MED1: variants seen among roughly 807,000 people sequenced by gnomAD.
MED1 encodes mediator complex subunit 1, also known as mediator of RNA polymerase II transcription subunit 1.
In MED1, 17 loss-of-function variants were observed where a neutral mutation model predicts 121.3. The ratio of observed to expected loss-of-function variants is 0.14; its 90% CI spans 0.10 to 0.21. The LOEUF is 0.21. Ranked by LOEUF, MED1 falls within the 10% of genes least tolerant of loss-of-function variation. The pLI is 1.00. For synonymous variants in MED1, 661 were observed against 694.4 expected (o/e 0.95, Z 0.76); for missense variants, 1,558 against 1,919.4 (o/e 0.81, Z 3.52).
At position 39,415,103 on chromosome 17, in the gene MED1, A is replaced by T. The variant is rs753600219; in HGVS notation, c.1422T>A (p.His474Gln). ...CVVMDVQDST[H>Q]VSCKLYKGLS... ...GCCCTTTGTAGAGTTTACAGCTCAC[A>T]TGTGTTGAGTCCTGCACATCCATTA... Residue 474 changes from histidine to glutamine, a missense_variant, in exon 16 of 17, where the codon CAT becomes CAA. Physicochemically the swap from His to Gln is conservative, Grantham distance 24 (BLOSUM62 0). This residue lies in a region of MED1 where 50 missense variants were observed against 134.5 expected (regional missense o/e 0.37). Transcript: ENST00000300651. 3 of 1,614,166 alleles carry T rather than the reference A, an allele frequency of 1.9e-6. No homozygotes were observed. Among genetic ancestry groups the T allele is most frequent in the South Asian group, 2.2e-5 (2 of 91,082 alleles).
chr17:39,423,606 A>C (rs1455322402), intron 12 of MED1, 91 bp downstream of exon 12: 2 of 1,548,866 alleles, frequency 1.3e-6, no homozygotes, highest in African/African-American at 2.7e-5. Context: ...TCAATGAGGC[A>C]TGTAAGACTG....
chr17:39,433,364 G>A (rs565590282), intron 7 of MED1, among the ~76,000 whole-genome samples: 3 of 147,176 alleles, frequency 2.0e-5, no homozygotes, highest in Non-Finnish European at 3.0e-5. Context: ...GCGACAATCC[G>A]TATTTAAAAA....
intron 3 of MED1, among the ~76,000 whole-genome samples, chr17:39,442,361 G>A (rs1272616215): frequency 6.6e-6 from 1 of 151,992 alleles, no homozygotes; most frequent in Non-Finnish European, 1.5e-5. Flanking sequence ...AATTTGGGAG[G>A]CCGAGGCGGG....
chr17:39,417,578 G>A (rs1175392857), intron 14 of MED1, among the ~76,000 whole-genome samples: 3 of 146,526 alleles, frequency 2.0e-5, no homozygotes, highest in Admixed American at 6.8e-5. Flanking sequence ...GCAGTGAGCC[G>A]AAATTGCGCC....
In MED1 at chr17:39,423,485, G is replaced by T. The variant is rs1383707060; in HGVS notation, c.977-40C>A. 2.0e-6 allele frequency: 3 copies of T among 1,531,620 alleles called. No individual in the cohort carries two copies. In the Admixed American group the frequency reaches 5.0e-5, roughly 26 times the overall value. 94.9% of individuals were successfully genotyped at this position (1,531,620 alleles called of 1,614,324 possible). A position where few individuals can be genotyped will look rare whatever the true frequency, so the allele number is the denominator to read the frequency against. Reference sequence around the variant, plus strand: ...ATCAATATAATGATCATGTTAAGATGAAAACACTGACAGCTCAGTTTCCCC... The same window carrying T: ...ATCAATATAATGATCATGTTAAGATTAAAACACTGACAGCTCAGTTTCCCC... On this transcript the variant is annotated intron_variant, in intron 12 of 16. Transcript: ENST00000300651.
chr17:39,441,215 G>A (rs1340964370), intron 3 of MED1, among the ~76,000 whole-genome samples: 3 of 152,064 alleles, frequency 2.0e-5, no homozygotes, highest in African/African-American at 7.2e-5. Context: ...AGTCACAAAA[G>A]GACAAATATA....
intron 6 of MED1, among the ~76,000 whole-genome samples, chr17:39,436,629 T>C (rs2048621537): frequency 6.6e-6 from 1 of 152,332 alleles, no homozygotes; most frequent in East Asian, 1.9e-4. Context: ...GCACTTTTAC[T>C]GTAACACACA....
chr17:39,417,806 T>C (rs942957858), intron 14 of MED1, among the ~76,000 whole-genome samples: 50 of 151,960 alleles, frequency 3.3e-4, no homozygotes, highest in Non-Finnish European at 6.3e-4. Context: ...AAGCTTCTAA[T>C]AGCCAACTGT....
chr17:39,405,790 A>C lies in MED1; in HGVS notation c.*1685T>G, dbSNP rs2048298373. 1.0e-6 allele frequency: 1 copy of C among 986,278 alleles called. No homozygotes were observed. The highest frequency in any genetic ancestry group is 1.2e-6 in the Non-Finnish European group (1 of 830,484). The allele number at this position is 986,278 out of a possible 1,614,324, so 61.1% of individuals were successfully genotyped here. On this transcript the variant is annotated 3_prime_UTR_variant, in exon 17 of 17. Transcript: ENST00000300651. ...AGGAAATGAGACAGGAAAGAAAGCC[A>C]AAGCTGATTTTCCAACTCTATGCTG... is the stretch of plus-strand genomic sequence containing the variant.
At position 39,405,122 on chromosome 17, in the gene MED1, G is replaced by C; in HGVS notation, c.*2353C>G. 7.4e-7 allele frequency: 1 copy of C among 1,351,980 alleles called. No homozygotes were observed. Among genetic ancestry groups the C allele is most frequent in the Non-Finnish European group, 9.8e-7 (1 of 1,016,012 alleles). 83.7% of individuals were successfully genotyped at this position (1,351,980 alleles called of 1,614,324 possible). A position where few individuals can be genotyped will look rare whatever the true frequency, so the allele number is the denominator to read the frequency against. The stretch of plus-strand genomic sequence containing the variant: ...ACAGGAGGGAGGTGTCCCAGGCTTG[G>C]TTTATTCTGCCTCTTCTCCTCCACC... On this transcript the variant is annotated 3_prime_UTR_variant, in exon 17 of 17. Coordinates refer to ENST00000300651, the MANE Select transcript of MED1 (RefSeq NM_004774.4).
intron 6 of MED1, 134 bp downstream of exon 6, chr17:39,439,031 T>C (rs1323317831): frequency 5.2e-6 from 4 of 764,822 alleles, no homozygotes; most frequent in Non-Finnish European, 6.5e-6. Flanking sequence ...TGATTAAGTA[T>C]AGACTCTTAA....
intron 3 of MED1, among the ~76,000 whole-genome samples, chr17:39,443,095 C>G (rs2048695263): frequency 6.7e-6 from 1 of 150,168 alleles, no homozygotes; most frequent in Non-Finnish European, 1.5e-5. Context: ...TCCGCCTCCC[C>G]AGGTCACACT....
chr17:39,428,210 T>C (rs1320612976), intron 9 of MED1, among the ~76,000 whole-genome samples: 1 of 151,780 alleles, frequency 6.6e-6, no homozygotes, highest in African/African-American at 2.4e-5. Flanking sequence ...ATTGGCCAGG[T>C]GCGGTGGCTC....
rs1242866854 is a variant in MED1 at position 39,422,856 on chromosome 17, G to A, written c.1095+471C>T. On this transcript the variant is annotated intron_variant, in intron 13 of 16. Coordinates refer to ENST00000300651, the MANE Select transcript of MED1 (RefSeq NM_004774.4). ...TGCCCTTTTACTTCAATACATTTCC[G>A]AGATTTCTTTTTTTTTTTTTTTTTT... 3.6e-5 allele frequency among the ~76,000 whole-genome samples: 5 copies of A among 139,124 alleles called. No individual in the cohort carries two copies. The East Asian group carries it at 8.9e-4, about 25-fold the overall frequency. 91.3% of individuals were successfully genotyped at this position (139,124 alleles called of 152,430 possible). A position where few individuals can be genotyped will look rare whatever the true frequency, so the allele number is the denominator to read the frequency against.
At chr17:39,450,927 TG>T in intron 1 of MED1, 110 bp downstream of exon 1, 1 of 890,940 alleles carries the variant, frequency 1.1e-6, no homozygotes, top group Non-Finnish European at 1.8e-6. Context: ...TTCCCTCTCC[TG>T]GACTCTATGC....
chr17:39,418,087 A>G (rs1395451170), intron 14 of MED1, among the ~76,000 whole-genome samples: 1 of 147,430 alleles, frequency 6.8e-6, no homozygotes, highest in Non-Finnish European at 1.5e-5. Flanking sequence ...CTCCGTCTCA[A>G]AAAAAAAAAA....
intron 10 of MED1, among the ~76,000 whole-genome samples, chr17:39,425,919 G>A (rs1203040690): frequency 6.6e-6 from 1 of 152,010 alleles, no homozygotes; most frequent in Non-Finnish European, 1.5e-5. Flanking sequence ...TTTTTGAAGG[G>A]TTCAGTATCA....
intron 6 of MED1, among the ~76,000 whole-genome samples, chr17:39,435,278 A>G (rs1270027615): frequency 6.6e-6 from 1 of 152,114 alleles, no homozygotes; most frequent in Non-Finnish European, 1.5e-5. Flanking sequence ...CCCAGAGAAA[A>G]GGTAGTGGGT....
intron 6 of MED1, among the ~76,000 whole-genome samples, chr17:39,438,451 T>G (rs1021810249): frequency 6.6e-6 from 1 of 150,464 alleles, no homozygotes; most frequent in Admixed American, 6.7e-5. Flanking sequence ...CACGCCATTC[T>G]CCTGCCTCAG....
Sources: allele counts gnomAD v4.1 joint callset (sites outside exome capture counted in the v4.1 genomes callset), GRCh38; gene constraint gnomAD v4.1.1; regional missense constraint gnomAD v4.1.1; transcripts MANE v1.5; gene names NCBI Gene and HGNC (gene_info 2026-07-23, HGNC 2026-07-21).